The following SBF2 variants were observed in gnomAD, a reference collection of about 807,000 sequenced individuals.
SBF2 encodes the protein SET binding factor 2, also known as myotubularin-related protein 13.
A neutral mutation model predicts 225.2 loss-of-function variants in SBF2; 112 were observed. The ratio of observed to expected loss-of-function variants is 0.50; its 90% CI spans 0.43 to 0.58. The LOEUF (loss-of-function observed/expected upper bound fraction) is 0.58. Among genes scored for constraint, SBF2 ranks in the 20% least tolerant of loss-of-function variants. SBF2 has a pLI of 0.00. For synonymous variants in SBF2, 763 were observed against 773.3 expected, an observed-to-expected ratio of 0.99 and a Z score of 0.22; for missense variants, 1,996 against 2,206.2, an observed-to-expected ratio of 0.90 and a Z score of 1.91.
chr11:10,045,953 C>G (rs777994960), intron 2 of SBF2, among the ~76,000 whole-genome samples: 1 of 150,386 alleles, frequency 6.6e-6, no homozygotes, highest in Non-Finnish European at 1.5e-5. Flanking sequence ...AACCACGGAT[C>G]AAAAATATTT....
chr11:10,204,201 C>G (rs1957666176), intron 1 of SBF2, among the ~76,000 whole-genome samples: 3 of 144,834 alleles, frequency 2.1e-5, no homozygotes, highest in South Asian at 4.3e-4. Context: ...ACAGTACAAG[C>G]TAGAAGACAG....
chr11:10,056,258 T>C lies in SBF2; in HGVS notation c.142-13277A>G, dbSNP rs72626715. 8.5e-3 allele frequency among the ~76,000 whole-genome samples: 1,298 copies of C among 152,318 alleles called. 13 individuals carry two copies. The highest frequency in any genetic ancestry group is 0.012 in the Non-Finnish European group (814 of 68,028). ...TGGTTCCATATAAATTTTAAAATAA[T>C]TTTTTCTAGTCCTGTGAAGAATGTC... On this transcript the variant is annotated intron_variant, in intron 2 of 39. Transcript: ENST00000256190.
chr11:10,252,409 C>T (rs1960443529), intron 1 of SBF2, among the ~76,000 whole-genome samples: 1 of 152,230 alleles, frequency 6.6e-6, no homozygotes, highest in Non-Finnish European at 1.5e-5. Context: ...GAAAACCTAA[C>T]TTAGGAGTAT....
intron 8 of SBF2, among the ~76,000 whole-genome samples, chr11:9,998,795 A>T (rs1368765070): frequency 6.6e-6 from 1 of 152,178 alleles, no homozygotes; most frequent in East Asian, 1.9e-4. Flanking sequence ...ATCTTGAGTG[A>T]CTTCATAGAG....
chr11:10,028,118 T>G (rs1458921261), intron 6 of SBF2, among the ~76,000 whole-genome samples: 1 of 152,110 alleles, frequency 6.6e-6, no homozygotes, highest in East Asian at 1.9e-4. Flanking sequence ...CTCACTATGT[T>G]GTCCAGGTTG....
At chr11:10,179,643 C>T (rs988232741) in intron 2 of SBF2, among the ~76,000 whole-genome samples, 1 of 152,092 alleles carries the variant, frequency 6.6e-6, no homozygotes, top group African/African-American at 2.4e-5. Flanking sequence ...TATTATTGTA[C>T]TGGTGTCTAT....
intron 13 of SBF2, among the ~76,000 whole-genome samples, chr11:9,980,200 C>T (rs1486036236): frequency 5.3e-5 from 8 of 150,630 alleles, no homozygotes; most frequent in Non-Finnish European, 8.8e-5. Flanking sequence ...AAGCTGGTCT[C>T]GAACTCCTGA....
At chr11:9,938,277 C>T (rs759093543) in intron 16 of SBF2, among the ~76,000 whole-genome samples, 2 of 148,646 alleles carry the variant, frequency 1.3e-5, no homozygotes, top group Admixed American at 1.4e-4. Flanking sequence ...GGCGACACAG[C>T]GAGACTCCGT....
intron 12 of SBF2, among the ~76,000 whole-genome samples, chr11:9,990,547 T>G (rs1200221147): frequency 6.6e-6 from 1 of 152,228 alleles, no homozygotes. Flanking sequence ...TATTTAGTTC[T>G]GATGGCTCAT....
chr11:9,807,872 T>G (rs1853939612), intron 32 of SBF2, 128 bp downstream of exon 32: 1 of 864,016 alleles, frequency 1.2e-6, no homozygotes, highest in African/African-American at 1.7e-5. Context: ...GATTTCAGCA[T>G]GTCCTGTGGC....
At chr11:10,104,628 T>G (rs1952471163) in intron 2 of SBF2, among the ~76,000 whole-genome samples, 1 of 152,148 alleles carries the variant, frequency 6.6e-6, no homozygotes, top group Admixed American at 6.5e-5. Flanking sequence ...CATCTAAGCC[T>G]TTTCTTGGAA....
At chr11:9,851,687 G>A (rs1037810121) in intron 21 of SBF2, among the ~76,000 whole-genome samples, 3 of 152,108 alleles carry the variant, frequency 2.0e-5, no homozygotes, top group African/African-American at 2.4e-5. Context: ...TATAATAATC[G>A]CTGTGTCTCA....
chr11:9,958,321 C>G (rs192457755), intron 16 of SBF2: 1 of 149,254 alleles, frequency 6.7e-6, no homozygotes, highest in East Asian at 2.0e-4. Context: ...TAACTGGGCA[C>G]AAGGAATTTA....
At chr11:10,231,341 T>C (rs1213132952) in intron 1 of SBF2, among the ~76,000 whole-genome samples, 1 of 152,212 alleles carries the variant, frequency 6.6e-6, no homozygotes, top group African/African-American at 2.4e-5. Context: ...CTGTGTTCCG[T>C]TGCTGGTGAG....
intron 26 of SBF2, among the ~76,000 whole-genome samples, chr11:9,834,016 G>A (rs1039874166): frequency 1.1e-4 from 17 of 148,526 alleles, no homozygotes; most frequent in East Asian, 4.1e-4. Flanking sequence ...TGATCCACCT[G>A]CCTCGGCCTC....
chr11:9,796,428 G>T (rs577650247), intron 32 of SBF2, among the ~76,000 whole-genome samples: 1 of 152,278 alleles, frequency 6.6e-6, no homozygotes, highest in African/African-American at 2.4e-5. Context: ...GGCAACTGTG[G>T]TGTAATAGTG....
At chr11:10,138,811 T>G in intron 2 of SBF2, among the ~76,000 whole-genome samples, 1 of 152,180 alleles carries the variant, frequency 6.6e-6, no homozygotes, top group East Asian at 1.9e-4. Flanking sequence ...ATGTTTCAAA[T>G]TTAAAAAAAT....
chr11:9,994,137 T>A, intron 9 of SBF2, 139 bp from the exon 10 acceptor site: 1 of 731,496 alleles, frequency 1.4e-6, no homozygotes, highest in South Asian at 1.6e-5. Flanking sequence ...GGGGTAGTTC[T>A]ATATGTACTA....
intron 2 of SBF2, among the ~76,000 whole-genome samples, chr11:10,151,998 T>C (rs1310931784): frequency 6.6e-6 from 1 of 152,224 alleles, no homozygotes; most frequent in African/African-American, 2.4e-5. Context: ...TCTGTAGCAT[T>C]GTCAAAGTTA....
Sources: allele counts gnomAD v4.1 joint callset (sites outside exome capture counted in the v4.1 genomes callset), GRCh38; gene constraint gnomAD v4.1.1; transcripts MANE v1.5; gene names NCBI Gene and HGNC (gene_info 2026-07-23, HGNC 2026-07-21).